CEP85L: variants seen among roughly 807,000 people sequenced by gnomAD.
The protein encoded by CEP85L is centrosomal protein of 85 kDa-like.
In CEP85L, 60 loss-of-function variants were observed where a neutral mutation model predicts 100.3. The ratio of observed to expected loss-of-function variants is 0.60; its 90% CI spans 0.49 to 0.74. The LOEUF is 0.74. Ranked by LOEUF, CEP85L falls within the 30% of genes least tolerant of loss-of-function variation. The pLI is 0.00. For synonymous variants in CEP85L, 319 were observed against 322.7 expected (o/e 0.99, Z 0.12); for missense variants, 973 against 936.2 (o/e 1.04, Z -0.51).
chr6:118,631,863 T>C (rs79495472), intron 2 of CEP85L, among the ~76,000 whole-genome samples: 6,539 of 152,348 alleles, frequency 0.043, 162 homozygotes, highest in Admixed American at 0.054. Flanking sequence ...GTTCTGAATC[T>C]CAGCTCTATC....
At chr6:118,564,327 A>T (rs1398851104) in intron 3 of CEP85L, among the ~76,000 whole-genome samples, 1 of 152,226 alleles carries the variant, frequency 6.6e-6, no homozygotes, top group Non-Finnish European at 1.5e-5. Flanking sequence ...CTGGAGAAAC[A>T]ACTGCCTGGA....
intron 10 of CEP85L, among the ~76,000 whole-genome samples, chr6:118,477,956 T>C (rs1266690782): frequency 6.6e-6 from 1 of 152,134 alleles, no homozygotes; most frequent in Non-Finnish European, 1.5e-5. Flanking sequence ...AACAGAGCTA[T>C]AGCATATGGA....
At chr6:118,484,852 G>A (rs1451974745) in intron 6 of CEP85L, among the ~76,000 whole-genome samples, 1 of 152,140 alleles carries the variant, frequency 6.6e-6, no homozygotes, top group African/African-American at 2.4e-5. Flanking sequence ...AATACTTAGG[G>A]GCAGATAATG....
intron 4 of CEP85L, among the ~76,000 whole-genome samples, chr6:118,514,089 A>G (rs934676202): frequency 3.2e-4 from 48 of 152,358 alleles, no homozygotes; most frequent in African/African-American, 1.1e-3. Flanking sequence ...ACTTTAAAAT[A>G]TATTATAAAC....
chr6:118,496,315 T>C (rs529301404), intron 5 of CEP85L, among the ~76,000 whole-genome samples: 29 of 150,812 alleles, frequency 1.9e-4, no homozygotes, highest in Middle Eastern at 3.4e-3. Context: ...CGTCATCTCT[T>C]ATACACAGAA....
rs921821383 is a variant in CEP85L, at chr6:118,565,314, G to C, written c.1020+215C>G. 5 of 566,244 alleles carry C rather than the reference G, an allele frequency of 8.8e-6. No homozygotes were observed. In the African/African-American group the frequency reaches 9.4e-5, roughly 11 times the overall value. 35.1% of individuals were successfully genotyped at this position (566,244 alleles called of 1,614,324 possible). Reference sequence around the variant, plus strand: ...CAAATGAAAAGGAAAGAACAAGCTAGGTACAAGGTTTTCAGATTTTCATGT... The same window carrying C: ...CAAATGAAAAGGAAAGAACAAGCTACGTACAAGGTTTTCAGATTTTCATGT... On this transcript the variant is annotated intron_variant, in intron 3 of 12. Transcript: ENST00000368491.
chr6:118,689,933 T>TTTA (rs1341813780), intron 1 of CEP85L, among the ~76,000 whole-genome samples: 6 of 148,728 alleles, frequency 4.0e-5, no homozygotes, highest in Non-Finnish European at 1.5e-5. Flanking sequence ...TTTTTTTTTT[T>TTTA]AATAGGGCTA....
chr6:118,664,757 T>G (rs906391126), intron 1 of CEP85L, among the ~76,000 whole-genome samples: 3 of 152,112 alleles, frequency 2.0e-5, no homozygotes, highest in Non-Finnish European at 4.4e-5. Flanking sequence ...AAATCTTTCA[T>G]CTAAAAATAA....
rs562026339 is a variant in CEP85L, at chr6:118,560,150, T to A, written c.1020+5379A>T. The A allele has an allele frequency of 1.8e-5, 3 of 167,200 alleles. No individual in the cohort carries two copies. The East Asian group carries it at 5.8e-4, about 32-fold the overall frequency. 10.4% of individuals were successfully genotyped at this position (167,200 alleles called of 1,614,324 possible). On this transcript the variant is annotated intron_variant, in intron 3 of 12. Transcript: ENST00000368491. Reference sequence around the variant, plus strand: ...TATTAGATTATATTTTGAAATGAACTTGTTGGCCCATCTATTACATCTACA... The same window carrying A: ...TATTAGATTATATTTTGAAATGAACATGTTGGCCCATCTATTACATCTACA...
chr6:118,470,727 C>A, intron 10 of CEP85L, 83 bp from the exon 11 acceptor site: 1 of 680,636 alleles, frequency 1.5e-6, no homozygotes, highest in Non-Finnish European at 2.4e-6. Context: ...GGAATGTTGG[C>A]TCTGAATACT....
chr6:118,460,991 G>A lies in CEP85L; in HGVS notation c.*4414C>T, dbSNP rs1283233397. ...AAGAGGCAAGAATGATAGATCAGAAGGCATAAGCCAACCAGTGGCTTCACA... is the reference window on the plus strand; with the variant it reads ...AAGAGGCAAGAATGATAGATCAGAAAGCATAAGCCAACCAGTGGCTTCACA... On this transcript the variant is annotated 3_prime_UTR_variant, in exon 13 of 13. Coordinates refer to ENST00000368491, the MANE Select transcript of CEP85L (RefSeq NM_001042475.3). 2.7e-5 allele frequency: 4 copies of A among 150,048 alleles called. No individual in the cohort carries two copies. Among genetic ancestry groups the A allele is most frequent in the Admixed American group, 2.7e-4 (4 of 15,066 alleles). 9.3% of individuals were successfully genotyped at this position (150,048 alleles called of 1,614,324 possible).
chr6:118,483,653 C>A, intron 7 of CEP85L, 53 bp downstream of exon 7: 1 of 1,537,134 alleles, frequency 6.5e-7, no homozygotes, highest in African/African-American at 1.4e-5. Context: ...TTTCTAGAGT[C>A]AAGTTAACAT....
At chr6:118,540,997 C>T (rs1157482674) in intron 3 of CEP85L, among the ~76,000 whole-genome samples, 1 of 152,098 alleles carries the variant, frequency 6.6e-6, no homozygotes, top group East Asian at 1.9e-4. Flanking sequence ...TATACGGACT[C>T]ATACTTATCC....
intron 2 of CEP85L, among the ~76,000 whole-genome samples, chr6:118,578,094 A>C (rs543448211): frequency 6.6e-5 from 10 of 152,340 alleles, no homozygotes; most frequent in African/African-American, 2.4e-4. Context: ...AAGGACAGTA[A>C]GTTCCTCTTC....
chr6:118,692,069 C>T (rs1055728932), intron 1 of CEP85L, among the ~76,000 whole-genome samples: 9 of 151,954 alleles, frequency 5.9e-5, no homozygotes, highest in African/African-American at 1.9e-4. Context: ...CAACTCAGGG[C>T]GAGGGGACAA....
chr6:118,511,450 A>G (rs1211959757), intron 4 of CEP85L, 35 bp from the exon 5 acceptor site: 14 of 1,346,744 alleles, frequency 1.0e-5, no homozygotes, highest in Non-Finnish European at 1.5e-5. Flanking sequence ...ATTATGAGTT[A>G]TAATTTTCTA....
intron 2 of CEP85L, among the ~76,000 whole-genome samples, chr6:118,614,449 ATG>A (rs1191311667): frequency 6.6e-6 from 1 of 152,230 alleles, no homozygotes; most frequent in Non-Finnish European, 1.5e-5. Context: ...TTTATAGACA[ATG>A]TGATTGTCTA....
intron 2 of CEP85L, among the ~76,000 whole-genome samples, chr6:118,567,059 C>T (rs1055683676): frequency 2.0e-5 from 3 of 151,768 alleles, no homozygotes; most frequent in Non-Finnish European, 4.4e-5. Flanking sequence ...CAGATCTAAA[C>T]ATTTTAGAAC....
intron 1 of CEP85L, among the ~76,000 whole-genome samples, chr6:118,658,326 G>A (rs112863786): frequency 1.4e-4 from 22 of 152,296 alleles, no homozygotes; most frequent in African/African-American, 5.3e-4. Context: ...AAGTAGGGGA[G>A]AAAAACTAAA....
Sources: gnomAD v4.1 joint callset for allele counts (sites outside exome capture counted in the v4.1 genomes callset) on GRCh38, gnomAD v4.1.1 for gene constraint, MANE v1.5 for transcripts, NCBI Gene and HGNC (gene_info 2026-07-23, HGNC 2026-07-21) for gene names.